The following ASIC2 variants were observed in gnomAD, a reference collection of about 807,000 sequenced individuals.
ASIC2 encodes the protein acid sensing ion channel subunit 2, also known as acid-sensing ion channel 2.
Under a neutral mutation model 57.3 loss-of-function variants are expected in ASIC2, and 25 were observed. That is an observed-to-expected ratio of 0.44 (90% CI 0.32 to 0.61). ASIC2 has a LOEUF of 0.61. Among genes scored for constraint, ASIC2 ranks in the 20% least tolerant of loss-of-function variants. The pLI, the probability that ASIC2 is intolerant of heterozygous loss-of-function variation, is 0.06. For missense variants in ASIC2, 641 were observed against 738.1 expected (o/e 0.87, Z 1.52); for synonymous variants, 319 against 307.5 (o/e 1.04, Z -0.39).
chr17:33,106,277 A>T (rs2092233985), intron 2 of ASIC2, among the ~76,000 whole-genome samples: 1 of 152,220 alleles, frequency 6.6e-6, no homozygotes, highest in African/African-American at 2.4e-5. Flanking sequence ...CCCCGAGAAC[A>T]GCATAGCTTT....
chr17:33,013,252 C>T lies in ASIC2; in HGVS notation c.*713G>A, dbSNP rs2091787369. The T allele has an allele frequency of 6.6e-6, 1 of 152,286 alleles. No homozygotes were observed. Among genetic ancestry groups the T allele is most frequent in the African/African-American group, 2.4e-5 (1 of 41,428 alleles). The allele number at this position is 152,286 out of a possible 1,614,324, so 9.4% of individuals were successfully genotyped here. Reference sequence around the variant, plus strand: ...TCTCCATCGGACAAACATAAAAGCCCCCCTACCCCAGATAAAAAGAATCAG... The same window carrying T: ...TCTCCATCGGACAAACATAAAAGCCTCCCTACCCCAGATAAAAAGAATCAG... On this transcript the variant is annotated 3_prime_UTR_variant, in exon 10 of 10. Transcript: ENST00000225823.
At chr17:33,822,513 T>C (rs1322457222) in intron 1 of ASIC2, among the ~76,000 whole-genome samples, 1 of 152,170 alleles carries the variant, frequency 6.6e-6, no homozygotes, top group Admixed American at 6.5e-5. Flanking sequence ...TCCTTCAGAT[T>C]TTTCACTCTT....
chr17:33,443,184 T>C (rs1239160056), intron 1 of ASIC2, among the ~76,000 whole-genome samples: 1 of 152,170 alleles, frequency 6.6e-6, no homozygotes, highest in Non-Finnish European at 1.5e-5. Context: ...ATTTTGCATC[T>C]AAGTTTGTAC....
At chr17:34,080,660 A>T (rs967989742) in intron 1 of ASIC2, among the ~76,000 whole-genome samples, 11 of 152,314 alleles carry the variant, frequency 7.2e-5, no homozygotes, top group Middle Eastern at 3.4e-3. Context: ...GGGAGGCAGA[A>T]GGAGATTATG....
chr17:33,342,604 G>T (rs1907767564), intron 1 of ASIC2, among the ~76,000 whole-genome samples: 1 of 152,076 alleles, frequency 6.6e-6, no homozygotes, highest in South Asian at 2.1e-4. Context: ...CATTGACTAA[G>T]TCCACATTAT....
At chr17:33,169,849 T>A (rs2142047521) in intron 1 of ASIC2, among the ~76,000 whole-genome samples, 1 of 152,318 alleles carries the variant, frequency 6.6e-6, no homozygotes, top group South Asian at 2.1e-4. Flanking sequence ...CGGCTACCTC[T>A]GGTAGCTCCA....
At chr17:33,577,574 T>C (rs1252915579) in intron 1 of ASIC2, among the ~76,000 whole-genome samples, 1 of 152,116 alleles carries the variant, frequency 6.6e-6, no homozygotes, top group Non-Finnish European at 1.5e-5. Context: ...CCAAACCTGA[T>C]ATTTCAGGAA....
At chr17:33,034,193 T>G (rs890307451) in intron 3 of ASIC2, among the ~76,000 whole-genome samples, 2 of 152,196 alleles carry the variant, frequency 1.3e-5, no homozygotes, top group African/African-American at 4.8e-5. Flanking sequence ...CTTCTTCTTT[T>G]TCTTCTTCTC....
intron 1 of ASIC2, among the ~76,000 whole-genome samples, chr17:33,363,584 C>A (rs1908692864): frequency 6.6e-6 from 1 of 152,368 alleles, no homozygotes; most frequent in Non-Finnish European, 1.5e-5. Context: ...TTCCGAGCTG[C>A]ATGGCCTCTG....
At chr17:33,829,236 C>T (rs1443726720) in intron 1 of ASIC2, among the ~76,000 whole-genome samples, 1 of 152,164 alleles carries the variant, frequency 6.6e-6, no homozygotes, top group African/African-American at 2.4e-5. Context: ...AAAAGCAGAC[C>T]ATTCACTGAC....
At chr17:33,996,405 A>G (rs775135972) in intron 1 of ASIC2, among the ~76,000 whole-genome samples, 2 of 152,152 alleles carry the variant, frequency 1.3e-5, no homozygotes, top group African/African-American at 2.4e-5. Context: ...TTTTGGGGTC[A>G]TAGCCAAAAA....
intron 1 of ASIC2, among the ~76,000 whole-genome samples, chr17:33,160,304 C>T (rs924549640): frequency 6.6e-6 from 1 of 152,152 alleles, no homozygotes; most frequent in African/African-American, 2.4e-5. Flanking sequence ...GTCCCACTCC[C>T]ACCTGGAACC....
intron 1 of ASIC2, among the ~76,000 whole-genome samples, chr17:33,200,785 G>A (rs1906827471): frequency 6.6e-6 from 1 of 152,148 alleles, no homozygotes; most frequent in Admixed American, 6.5e-5. Flanking sequence ...CCTGTGAAAT[G>A]ACATCACTCC....
At chr17:33,610,986 C>T (rs1905388821) in intron 1 of ASIC2, among the ~76,000 whole-genome samples, 1 of 152,202 alleles carries the variant, frequency 6.6e-6, no homozygotes, top group South Asian at 2.1e-4. Context: ...CTCCAGGCAT[C>T]TAGGAATCTG....
At chr17:34,024,131 G>A (rs1402519521) in intron 1 of ASIC2, among the ~76,000 whole-genome samples, 1 of 152,134 alleles carries the variant, frequency 6.6e-6, no homozygotes, top group Non-Finnish European at 1.5e-5. Context: ...TTGAGAACCT[G>A]GACTCAGTGT....
intron 1 of ASIC2, among the ~76,000 whole-genome samples, chr17:33,590,539 T>TCCCAATCTCTACACCACAC (rs1185800688): frequency 6.6e-6 from 1 of 151,148 alleles, no homozygotes; most frequent in African/African-American, 2.4e-5. Flanking sequence ...CTACACCACA[T>TCCCAATCTCTACACCACAC]CCCAATCTCT....
intron 1 of ASIC2, among the ~76,000 whole-genome samples, chr17:33,152,723 G>A (rs1306879548): frequency 6.6e-6 from 1 of 152,196 alleles, no homozygotes; most frequent in Admixed American, 6.5e-5. Flanking sequence ...AGCCTCAGAG[G>A]AAAGAATAAA....
intron 4 of ASIC2, 110 bp from the exon 5 acceptor site, chr17:33,026,092 G>T (rs1228683365): frequency 2.6e-6 from 3 of 1,165,614 alleles, no homozygotes; most frequent in Non-Finnish European, 3.7e-6. Flanking sequence ...AGTTGAAGGG[G>T]CAGCGGCCTG....
chr17:33,966,788 TAC>T (rs1385230677), intron 1 of ASIC2, among the ~76,000 whole-genome samples: 1 of 152,248 alleles, frequency 6.6e-6, no homozygotes, highest in African/African-American at 2.4e-5. Context: ...GCTAATTTTA[TAC>T]AGAGTTGATT....
Sources: gnomAD v4.1 joint callset for allele counts (sites outside exome capture counted in the v4.1 genomes callset) on GRCh38, gnomAD v4.1.1 for gene constraint, MANE v1.5 for transcripts, NCBI Gene and HGNC (gene_info 2026-07-23, HGNC 2026-07-21) for gene names.